The following OTUD7A variants were observed in gnomAD, a reference collection of about 807,000 sequenced individuals.
The protein encoded by OTUD7A is OTU deubiquitinase 7A.
OTUD7A carries 12 observed loss-of-function variants against 65.7 expected under a neutral mutation model. The observed-to-expected ratio is 0.18, with a 90% CI of 0.12 to 0.30. The LOEUF (loss-of-function observed/expected upper bound fraction) is 0.30. Ranked by LOEUF, OTUD7A falls within the 10% of genes least tolerant of loss-of-function variation. The pLI, the probability that OTUD7A is intolerant of heterozygous loss-of-function variation, is 1.00. For synonymous variants in OTUD7A, 641 were observed against 586.3 expected (o/e 1.09, Z -1.35); for missense variants, 1,148 against 1,304.8 (o/e 0.88, Z 1.85).
At chr15:31,803,171 G>A (rs1238969230) in intron 1 of OTUD7A, among the ~76,000 whole-genome samples, 1 of 152,110 alleles carries the variant, frequency 6.6e-6, no homozygotes, top group Non-Finnish European at 1.5e-5. Flanking sequence ...AGCTCAGAGT[G>A]GCCCAGGTCA....
chr15:31,571,869 C>A (rs897938836), intron 3 of OTUD7A, among the ~76,000 whole-genome samples: 2 of 152,150 alleles, frequency 1.3e-5, no homozygotes, highest in African/African-American at 4.8e-5. Flanking sequence ...CATGGGAGGG[C>A]AGTAGAAGCC....
Position 31,476,613 on chromosome 15 carries a change from A to G in OTUD7A, c.*6681T>C, listed in dbSNP as rs1217579503. 1 of 152,274 alleles carries G rather than the reference A, an allele frequency of 6.6e-6. No homozygotes were observed. The highest frequency in any genetic ancestry group is 2.4e-5 in the African/African-American group (1 of 41,448). 9.4% of individuals were successfully genotyped at this position (152,274 alleles called of 1,614,324 possible). A position where few individuals can be genotyped will look rare whatever the true frequency, so the allele number is the denominator to read the frequency against. On this transcript the variant is annotated 3_prime_UTR_variant, in exon 13 of 13. Coordinates refer to ENST00000307050, the MANE Select transcript of OTUD7A (RefSeq NM_001382637.1). Reference sequence around the variant, plus strand: ...TGGCAATTCAAGCACAGGAATGCACATGTGTGGGCCCACTCACTGCTGGCT... The same window carrying G: ...TGGCAATTCAAGCACAGGAATGCACGTGTGTGGGCCCACTCACTGCTGGCT...
chr15:31,796,188 TTATC>T (rs57720765), intron 1 of OTUD7A, among the ~76,000 whole-genome samples: 31,678 of 146,562 alleles, frequency 0.22, 4,037 homozygotes, highest in East Asian at 0.38. Flanking sequence ...TATCTATGCA[TTATC>T]TATCTATCTA....
intron 1 of OTUD7A, among the ~76,000 whole-genome samples, chr15:31,682,803 AAT>A (rs1892748352): frequency 6.6e-6 from 1 of 152,178 alleles, no homozygotes; most frequent in Non-Finnish European, 1.5e-5. Context: ...GCATGTGTTT[AAT>A]AGTGTGTATG....
intron 1 of OTUD7A, among the ~76,000 whole-genome samples, chr15:31,736,821 CT>C (rs201393345): frequency 2.0e-5 from 3 of 148,024 alleles, no homozygotes; most frequent in African/African-American, 5.0e-5. Flanking sequence ...TTAAGACCTT[CT>C]TTTTTTTGGG....
Position 31,512,330 on chromosome 15 carries a change from T to G in OTUD7A, c.894-8512A>C, listed in dbSNP as rs138271961. On this transcript the variant is annotated intron_variant, in intron 8 of 12. Transcript: ENST00000307050. Reference sequence around the variant, plus strand: ...TGTGGCAGAGGAGCACGCTCCCTTATGAGGAGGGACTGGAGACCACCCCCG... The same window carrying G: ...TGTGGCAGAGGAGCACGCTCCCTTAGGAGGAGGGACTGGAGACCACCCCCG... Among the ~76,000 whole-genome samples the G allele has an allele frequency of 3.7e-4, 57 of 152,318 alleles. No individual in the cohort carries two copies. In the East Asian group the frequency reaches 0.011, roughly 29 times the overall value.
chr15:31,591,951 T>C (rs1889737654), intron 3 of OTUD7A, among the ~76,000 whole-genome samples: 1 of 152,120 alleles, frequency 6.6e-6, no homozygotes, highest in East Asian at 1.9e-4. Context: ...CTGAATACTG[T>C]AGGCAACTGT....
chr15:31,771,776 T>C (rs1394601251), intron 1 of OTUD7A, among the ~76,000 whole-genome samples: 2 of 152,164 alleles, frequency 1.3e-5, no homozygotes, highest in Non-Finnish European at 2.9e-5. Context: ...GACCCCCCTC[T>C]CCAACCTCTT....
At chr15:31,620,281 T>C (rs938962343) in intron 3 of OTUD7A, among the ~76,000 whole-genome samples, 52 of 152,214 alleles carry the variant, frequency 3.4e-4, no homozygotes, top group African/African-American at 1.2e-3. Flanking sequence ...GCTGGCCTCA[T>C]AAAATGAGTT....
At chr15:31,753,706 A>ATATATATATATTATATATATATATATAT in intron 1 of OTUD7A, among the ~76,000 whole-genome samples, 1 of 70,766 alleles carries the variant, frequency 1.4e-5, no homozygotes, top group East Asian at 4.0e-4. Flanking sequence ...TATATATTAT[A>ATATATATATATTATATATATATATATAT]TATATATATA....
chr15:31,715,264 G>A (rs1349239255), intron 1 of OTUD7A, among the ~76,000 whole-genome samples: 2 of 148,764 alleles, frequency 1.3e-5, no homozygotes, highest in East Asian at 2.0e-4. Flanking sequence ...GCCTCACTTC[G>A]CTGTTCCACC....
intron 1 of OTUD7A, among the ~76,000 whole-genome samples, chr15:31,674,920 A>G (rs999366131): frequency 1.3e-5 from 2 of 152,196 alleles, no homozygotes; most frequent in African/African-American, 4.8e-5. Context: ...CGATGGTATC[A>G]TGGAACACTT....
chr15:31,782,694 A>T (rs1895572194), intron 1 of OTUD7A, among the ~76,000 whole-genome samples: 1 of 152,190 alleles, frequency 6.6e-6, no homozygotes, highest in South Asian at 2.1e-4. Context: ...TTGGTGAATA[A>T]CTTCTCGTGA....
At chr15:31,528,976 T>C (rs1378516036) in intron 6 of OTUD7A, among the ~76,000 whole-genome samples, 1 of 152,198 alleles carries the variant, frequency 6.6e-6, no homozygotes, top group African/African-American at 2.4e-5. Context: ...TGGTCAGTCA[T>C]GGCCCAGGCT....
intron 1 of OTUD7A, among the ~76,000 whole-genome samples, chr15:31,812,112 G>A (rs1037389804): frequency 2.0e-5 from 3 of 152,128 alleles, no homozygotes. Context: ...CAAACAAGTG[G>A]GCTCTGCAAG....
chr15:31,699,237 G>A (rs1286072359), intron 1 of OTUD7A, among the ~76,000 whole-genome samples: 1 of 151,864 alleles, frequency 6.6e-6, no homozygotes, highest in Non-Finnish European at 1.5e-5. Flanking sequence ...CCGCCACCAC[G>A]CCCGGCTAAT....
At chr15:31,589,492 G>A (rs1405213146) in intron 3 of OTUD7A, among the ~76,000 whole-genome samples, 3 of 135,516 alleles carry the variant, frequency 2.2e-5, no homozygotes, top group Admixed American at 7.1e-5. Context: ...CTGTAGAGAC[G>A]GGGTTTTGCC....
intron 4 of OTUD7A, among the ~76,000 whole-genome samples, chr15:31,566,972 C>A (rs781189550): frequency 2.0e-5 from 3 of 152,100 alleles, no homozygotes; most frequent in Non-Finnish European, 4.4e-5. Context: ...AATTACCCAG[C>A]CTCAGATATT....
intron 3 of OTUD7A, among the ~76,000 whole-genome samples, chr15:31,581,323 T>C (rs1290630454): frequency 6.6e-6 from 1 of 152,208 alleles, no homozygotes; most frequent in African/African-American, 2.4e-5. Flanking sequence ...AGGTGCACAG[T>C]GCAAGCTGTT....
Sources: gnomAD v4.1 joint callset for allele counts (sites outside exome capture counted in the v4.1 genomes callset) on GRCh38, gnomAD v4.1.1 for gene constraint, MANE v1.5 for transcripts, NCBI Gene and HGNC (gene_info 2026-07-23, HGNC 2026-07-21) for gene names.